TMC3: variants seen among roughly 807,000 people sequenced by gnomAD.
TMC3 encodes transmembrane channel like 3.
In TMC3, 98 loss-of-function variants were observed where a neutral mutation model predicts 110.6. The observed-to-expected ratio is 0.89, with a 90% CI of 0.75 to 1.05. The LOEUF is 1.05. TMC3 is among the 50% of genes least tolerant of loss of function. TMC3 has a pLI of 0.00. For missense variants in TMC3, 1,319 were observed against 1,373.2 expected, an observed-to-expected ratio of 0.96 and a Z score of 0.62; for synonymous variants, 489 against 513.1, an observed-to-expected ratio of 0.95 and a Z score of 0.63.
intron 1 of TMC3, among the ~76,000 whole-genome samples, 162 bp from the exon 2 acceptor site, chr15:81,372,899 A>G (rs545528498): frequency 5.0e-4 from 36 of 72,426 alleles, no homozygotes; most frequent in African/African-American, 1.1e-3. Context: ...GTGTGTGTGT[A>G]AAGTGAGGGA....
At chr15:81,353,610 C>T (rs1041473403) in intron 9 of TMC3, among the ~76,000 whole-genome samples, 2 of 152,154 alleles carry the variant, frequency 1.3e-5, no homozygotes, top group African/African-American at 4.8e-5. Context: ...ATACAAGTAG[C>T]ATGCTGTTCA....
At position 81,358,411 on chromosome 15, in the gene TMC3, C is replaced by G. The variant is rs952778058; in HGVS notation, c.591G>C (p.Trp197Cys). 1.9e-6 allele frequency: 3 copies of G among 1,613,430 alleles called. No individual in the cohort carries two copies. Among genetic ancestry groups the G allele is most frequent in the Non-Finnish European group, 2.5e-6 (3 of 1,179,524 alleles). ...VSSAQDLDTV[W>C]SLGGYLQYSV... Reference sequence around the variant, plus strand: ...CAAGCATCAATCTCACCCCCAGAGACCAGACGGTGTCCAGGTCTTGGGCAG... The same window carrying G: ...CAAGCATCAATCTCACCCCCAGAGAGCAGACGGTGTCCAGGTCTTGGGCAG... Residue 197 changes from tryptophan (W) to cysteine (C), a missense_variant, in exon 6 of 22, where the codon TGG becomes TGC. By Grantham distance (215) the Trp-to-Cys change is radical. Transcript: ENST00000359440.
At chr15:81,345,673 C>T (rs1893812210) in intron 12 of TMC3, among the ~76,000 whole-genome samples, 1 of 151,948 alleles carries the variant, frequency 6.6e-6, no homozygotes, top group African/African-American at 2.4e-5. Context: ...AGTTTGAGAC[C>T]AGCCTGAGCA....
At position 81,374,089 on chromosome 15, in the gene TMC3, C is replaced by T. The variant is rs759371614; in HGVS notation, c.-12G>A. The T allele has an allele frequency of 2.0e-5, 32 of 1,612,510 alleles. No homozygotes were observed. The highest frequency in any genetic ancestry group is 2.7e-5 in the Non-Finnish European group (32 of 1,179,170). On this transcript the variant is annotated 5_prime_UTR_variant, in exon 1 of 22. Transcript: ENST00000359440. ...TTCGAGGTTTTCATGGGAGCTAACC[C>T]ACTGCTAACAATCAGAAGCTGGCCA...
chr15:81,337,112 G>A (rs1893613564), intron 19 of TMC3, among the ~76,000 whole-genome samples: 1 of 150,724 alleles, frequency 6.6e-6, no homozygotes, highest in African/African-American at 2.4e-5. Flanking sequence ...TTTTTTGCAT[G>A]GGTGAGGTCA....
intron 16 of TMC3, among the ~76,000 whole-genome samples, chr15:81,340,177 C>A (rs1893682311): frequency 6.6e-6 from 1 of 152,110 alleles, no homozygotes; most frequent in African/African-American, 2.4e-5. Flanking sequence ...TAGTTACTTT[C>A]AACTAGTACT....
rs1316269379 is a variant in TMC3 at position 81,337,937 on chromosome 15, A to G, written c.2082-13T>C. On this transcript the variant is annotated splice_polypyrimidine_tract_variant and intron_variant, in intron 18 of 21. Coordinates refer to ENST00000359440, the MANE Select transcript of TMC3 (RefSeq NM_001080532.3). ...ATAGATGAGCATGCTAGGACAGAAC[A>G]ACACAGGACAATGAGTGGACTGCAA... The G allele has an allele frequency of 6.2e-7, 1 of 1,607,628 alleles. No homozygotes were observed. Among genetic ancestry groups the G allele is most frequent in the Non-Finnish European group, 8.5e-7 (1 of 1,174,202 alleles).
chr15:81,356,388 C>CGCT, intron 8 of TMC3, 59 bp downstream of exon 8: 1 of 1,512,916 alleles, frequency 6.6e-7, no homozygotes, highest in South Asian at 1.3e-5. Context: ...TGAGGGCCAG[C>CGCT]GGCTGGCTCT....
Position 81,367,134 on chromosome 15 carries a change from A to C in TMC3, c.312+1119T>G, listed in dbSNP as rs549110568. On this transcript the variant is annotated intron_variant, in intron 3 of 21. Transcript: ENST00000359440. ...AAAACATAGAAAAATCTATATGTGC[A>C]AAGATGTTCTTCGTAGGGCTATTAA... 4.6e-5 allele frequency among the ~76,000 whole-genome samples: 7 copies of C among 152,316 alleles called. No individual in the cohort carries two copies. The East Asian group carries it at 5.8e-4, about 13-fold the overall frequency.
intron 18 of TMC3, 77 bp downstream of exon 18, chr15:81,338,578 T>C (rs1893645809): frequency 2.6e-6 from 4 of 1,568,540 alleles, no homozygotes; most frequent in Non-Finnish European, 3.5e-6. Context: ...AAATTTTATG[T>C]AATTATTGGA....
chr15:81,333,070 G>A lies in TMC3; in HGVS notation c.2652C>T (p.Ala884=), dbSNP rs1219824721. ...ATTCATTAATGACATAGTATCTGGGGGCGTGGGGCCTGGGACCCTGTGCCA... is the reference window on the plus strand; with the variant it reads ...ATTCATTAATGACATAGTATCTGGGAGCGTGGGGCCTGGGACCCTGTGCCA... ...TLLAQGPRPH[A]PRYYVINECD... Residue 884 remains alanine (A), a synonymous_variant, in exon 22 of 22, where the codon GCC becomes GCT. Transcript: ENST00000359440. 6.2e-7 allele frequency: 1 copy of A among 1,613,778 alleles called. No homozygotes were observed. The highest frequency in any genetic ancestry group is 8.5e-7 in the Non-Finnish European group (1 of 1,179,784).
In TMC3 at chr15:81,333,135, T is replaced by A. The variant is rs777529385; in HGVS notation, c.2587A>T (p.Ile863Phe). The change falls in exon 22 of 22, where the codon ATC becomes TTC. Residue 863 changes from isoleucine (I) to phenylalanine (F), a missense_variant. Coordinates refer to ENST00000359440, the MANE Select transcript of TMC3 (RefSeq NM_001080532.3). ...TGTGGTCCACGGTGAGGAGGGTTGATTTGCTGAAAGTCTTTTCGGAAAAGA... is the reference window on the plus strand; with the variant it reads ...TGTGGTCCACGGTGAGGAGGGTTGAATTGCTGAAAGTCTTTTCGGAAAAGA... ...EPLFRKDFQQ[I>F]NPPHRGPQAS... 1 of 1,613,990 alleles carries A rather than the reference T, an allele frequency of 6.2e-7. No individual in the cohort carries two copies. The highest frequency in any genetic ancestry group is 1.7e-5 in the Admixed American group (1 of 60,026).
intron 16 of TMC3, among the ~76,000 whole-genome samples, chr15:81,340,909 G>C (rs1015887523): frequency 4.6e-5 from 7 of 152,238 alleles, no homozygotes; most frequent in African/African-American, 1.7e-4. Context: ...ACACAATGTT[G>C]CGTGTAAGCA....
chr15:81,369,006 G>T (rs1215412285), intron 2 of TMC3, among the ~76,000 whole-genome samples: 1 of 152,076 alleles, frequency 6.6e-6, no homozygotes, highest in Admixed American at 6.6e-5. Flanking sequence ...TGAAGTCAAG[G>T]GCTCTTAGAG....
chr15:81,345,105 G>C, intron 12 of TMC3, 94 bp from the exon 13 acceptor site: 5 of 1,489,158 alleles, frequency 3.4e-6, no homozygotes, highest in Non-Finnish European at 4.5e-6. Flanking sequence ...TGGACCCCAA[G>C]GGTGTCATTG....
At chr15:81,361,710 C>T (rs1314159334) in intron 4 of TMC3, among the ~76,000 whole-genome samples, 2 of 152,100 alleles carry the variant, frequency 1.3e-5, no homozygotes. Flanking sequence ...CAAGACTTTT[C>T]TATCCTGTGG....
At chr15:81,345,850 C>T (rs1893816382) in intron 12 of TMC3, among the ~76,000 whole-genome samples, 1 of 151,794 alleles carries the variant, frequency 6.6e-6, no homozygotes, top group African/African-American at 2.4e-5. Context: ...GCACTCCAGC[C>T]TGGGCAACAA....
intron 6 of TMC3, 51 bp downstream of exon 6, chr15:81,358,351 C>T: frequency 6.3e-7 from 1 of 1,599,618 alleles, no homozygotes; most frequent in East Asian, 2.2e-5. Context: ...AGAACTGTGG[C>T]CCATTCACCC....
chr15:81,334,785 C>T lies in TMC3; in HGVS notation c.2394G>A (p.Gly798=), dbSNP rs1454270194. The change falls in exon 21 of 22, where the codon GGG becomes GGA. Residue 798 remains glycine (G), a synonymous_variant. Transcript: ENST00000359440. ...GGAGAGGTGAGCTAGGAGCCCTGTC[C>T]CCTGGCCTCGGGCTCTGGGGCATGG... ...AQSMPQSPRP[G]DRAPSSPLPG... The T allele has an allele frequency of 1.2e-6, 2 of 1,613,878 alleles. No individual in the cohort carries two copies. The highest frequency in any genetic ancestry group is 1.7e-6 in the Non-Finnish European group (2 of 1,179,884).
Sources: gnomAD v4.1 joint callset for allele counts (sites outside exome capture counted in the v4.1 genomes callset) on GRCh38, gnomAD v4.1.1 for gene constraint, MANE v1.5 for transcripts, NCBI Gene and HGNC (gene_info 2026-07-23, HGNC 2026-07-21) for gene names.